USPL1: variants seen among roughly 807,000 people sequenced by gnomAD.
The protein encoded by USPL1 is ubiquitin specific peptidase like 1, also known as SUMO-specific isopeptidase USPL1.
A neutral mutation model predicts 51.5 loss-of-function variants in USPL1; 27 were observed. That is an observed-to-expected ratio of 0.52 (90% CI 0.39 to 0.72). The LOEUF is 0.72. Among genes scored for constraint, USPL1 ranks in the 30% least tolerant of loss-of-function variants. USPL1 has a pLI of 0.00. For missense variants in USPL1, 1,226 were observed against 1,268.0 expected (o/e 0.97, Z 0.50); for synonymous variants, 451 against 459.6 (o/e 0.98, Z 0.24).
At chr13:30,620,839 G>T (rs1476391783) in intron 1 of USPL1, among the ~76,000 whole-genome samples, 1 of 152,244 alleles carries the variant, frequency 6.6e-6, no homozygotes, top group South Asian at 2.1e-4. Context: ...GTTGACAAAT[G>T]AGTCTGCTAT....
Position 30,658,452 on chromosome 13 carries a change from G to T in USPL1, c.2375G>T (p.Gly792Val), listed in dbSNP as rs1377621805. Residue 792 changes from glycine (G) to valine (V), a missense_variant, in exon 9 of 9, where the codon GGG becomes GTG. Coordinates refer to ENST00000255304, the MANE Select transcript of USPL1 (RefSeq NM_005800.5). Reference sequence around the variant, plus strand: ...ACTGATTTACAACCTTCAGTTAAAGGGGTAAATAATTTTGGTGGCTTTAAA... The same window carrying T: ...ACTGATTTACAACCTTCAGTTAAAGTGGTAAATAATTTTGGTGGCTTTAAA... ...TITDLQPSVKGVNNFGGFKTK... is the reference protein window; with the variant it reads ...TITDLQPSVKVVNNFGGFKTK... The T allele has an allele frequency of 1.9e-6, 3 of 1,613,728 alleles. No homozygotes were observed. Among genetic ancestry groups the T allele is most frequent in the Non-Finnish European group, 8.5e-7 (1 of 1,180,028 alleles).
chr13:30,655,033 G>C (rs1241204608), intron 8 of USPL1, among the ~76,000 whole-genome samples: 2 of 151,626 alleles, frequency 1.3e-5, no homozygotes, highest in African/African-American at 4.8e-5. Flanking sequence ...CTGCCTCCCG[G>C]GTTCAAGTGA....
At chr13:30,654,277 G>A (rs780344678) in intron 8 of USPL1, among the ~76,000 whole-genome samples, 29 of 152,106 alleles carry the variant, frequency 1.9e-4, no homozygotes, top group Non-Finnish European at 3.7e-4. Context: ...AAATATCAAT[G>A]TTGGGTGTTT....
intron 4 of USPL1, among the ~76,000 whole-genome samples, chr13:30,637,080 T>G (rs1203073799): frequency 6.6e-6 from 1 of 152,150 alleles, no homozygotes; most frequent in Non-Finnish European, 1.5e-5. Context: ...CTCAGCCTCC[T>G]GAGTAGCTGG....
chr13:30,625,484 T>TCACGAGG (rs1950702750), intron 3 of USPL1, among the ~76,000 whole-genome samples: 1 of 149,372 alleles, frequency 6.7e-6, no homozygotes, highest in Admixed American at 6.7e-5. Flanking sequence ...TCTCGCTCTG[T>TCACGAGG]CACGAGGCTG....
rs535123886 is a variant in USPL1 at position 30,632,560 on chromosome 13, C to T, written c.868+1086C>T. Among the ~76,000 whole-genome samples the T allele has an allele frequency of 1.3e-4, 19 of 151,796 alleles. No homozygotes were observed. The South Asian group carries it at 2.3e-3, about 18-fold the overall frequency. ...TCCCAAGTAGCTGGGACTACAGGCGCCCACCACCAGGCCCAGCTAATTTTT... is the reference window on the plus strand; with the variant it reads ...TCCCAAGTAGCTGGGACTACAGGCGTCCACCACCAGGCCCAGCTAATTTTT... On this transcript the variant is annotated intron_variant, in intron 4 of 8. Coordinates refer to ENST00000255304, the MANE Select transcript of USPL1 (RefSeq NM_005800.5).
At chr13:30,635,025 C>G (rs1950857127) in intron 4 of USPL1, among the ~76,000 whole-genome samples, 1 of 152,044 alleles carries the variant, frequency 6.6e-6, no homozygotes, top group Non-Finnish European at 1.5e-5. Flanking sequence ...TTGTTCTGTT[C>G]TGTTGATTGT....
intron 6 of USPL1, among the ~76,000 whole-genome samples, chr13:30,644,677 T>A (rs566857463): frequency 6.6e-6 from 1 of 152,246 alleles, no homozygotes; most frequent in East Asian, 1.9e-4. Context: ...GGGAAATAGT[T>A]TCATCGTGTT....
intron 1 of USPL1, among the ~76,000 whole-genome samples, chr13:30,619,741 G>C (rs1429060257): frequency 3.3e-5 from 5 of 149,378 alleles, no homozygotes; most frequent in African/African-American, 7.7e-5. Context: ...CCTGAAAAGC[G>C]TAAGTTTGAC....
intron 5 of USPL1, among the ~76,000 whole-genome samples, chr13:30,639,917 C>A (rs1950924421): frequency 6.6e-6 from 1 of 152,160 alleles, no homozygotes; most frequent in Non-Finnish European, 1.5e-5. Context: ...AACAAAGTTA[C>A]ATCTTTTGCT....
chr13:30,651,107 A>G (rs1015551051), intron 7 of USPL1, among the ~76,000 whole-genome samples: 8 of 152,062 alleles, frequency 5.3e-5, no homozygotes, highest in African/African-American at 1.9e-4. Context: ...GTTCTGCATC[A>G]TCTCTGTTCT....
At chr13:30,618,499 C>T (rs945082593) in intron 1 of USPL1, among the ~76,000 whole-genome samples, 5 of 152,042 alleles carry the variant, frequency 3.3e-5, no homozygotes, top group African/African-American at 1.2e-4. Flanking sequence ...CCTACTCGCT[C>T]TCGGAGGGCG....
intron 7 of USPL1, among the ~76,000 whole-genome samples, chr13:30,650,028 G>A (rs1951068341): frequency 1.3e-5 from 2 of 152,054 alleles, no homozygotes; most frequent in Non-Finnish European, 2.9e-5. Context: ...AAAACCTAGG[G>A]ATAAAGTTTA....
At chr13:30,631,969 G>GTT (rs58557045) in intron 4 of USPL1, among the ~76,000 whole-genome samples, 1 of 147,080 alleles carries the variant, frequency 6.8e-6, no homozygotes, top group Non-Finnish European at 1.5e-5. Context: ...CAGTTTTTTT[G>GTT]TTTTTTTTTT....
chr13:30,648,143 ATG>A (rs1333392366), intron 7 of USPL1, among the ~76,000 whole-genome samples: 1 of 152,078 alleles, frequency 6.6e-6, no homozygotes, highest in Non-Finnish European at 1.5e-5. Flanking sequence ...ATTAATATAC[ATG>A]TGTTATTCCC....
chr13:30,621,119 A>T lies in USPL1; in HGVS notation c.-22A>T, dbSNP rs773558063. The T allele has an allele frequency of 1.9e-6, 3 of 1,596,918 alleles. No homozygotes were observed. The South Asian group carries it at 3.5e-5, about 19-fold the overall frequency. On this transcript the variant is annotated 5_prime_UTR_variant, in exon 2 of 9. Coordinates refer to ENST00000255304, the MANE Select transcript of USPL1 (RefSeq NM_005800.5). ...GTGATATTGACATGTCTCAAGTGAC[A>T]TAAATTAGCCAATGACTCGGAATGA... is the stretch of plus-strand genomic sequence containing the variant.
rs1383565975 is a variant in USPL1 at position 30,621,120 on chromosome 13, T to A, written c.-21T>A. 6.3e-7 allele frequency: 1 copy of A among 1,596,822 alleles called. No homozygotes were observed. Among genetic ancestry groups the A allele is most frequent in the African/African-American group, 1.3e-5 (1 of 74,214 alleles). ...TGATATTGACATGTCTCAAGTGACA[T>A]AAATTAGCCAATGACTCGGAATGAT... On this transcript the variant is annotated 5_prime_UTR_variant, in exon 2 of 9. The change abolishes the stop of an existing upstream ORF in the 5' untranslated region. Transcript: ENST00000255304.
Position 30,630,906 on chromosome 13 carries a change from A to G in USPL1, c.300A>G (p.Pro100=), listed in dbSNP as rs1470742017. 2 of 1,614,126 alleles carry G rather than the reference A, an allele frequency of 1.2e-6. No homozygotes were observed. Among genetic ancestry groups the G allele is most frequent in the East Asian group, 2.2e-5 (1 of 44,872 alleles). The change falls in exon 4 of 9, where the codon CCA becomes CCG. Residue 100 remains proline, a synonymous_variant. Transcript: ENST00000255304. ...ISPDLEECHT[P]HKPQKRKSLE... ...CTGATTTGGAAGAATGTCACACTCC[A>G]CATAAGCCTCAGAAAAGGAAGAGCT...
intron 4 of USPL1, among the ~76,000 whole-genome samples, chr13:30,634,446 T>C (rs1950848213): frequency 6.6e-6 from 1 of 152,234 alleles, no homozygotes; most frequent in Admixed American, 6.5e-5. Flanking sequence ...AAAACACGGA[T>C]GAAGAGGGAC....
Sources: allele counts gnomAD v4.1 joint callset (sites outside exome capture counted in the v4.1 genomes callset), GRCh38; gene constraint gnomAD v4.1.1; transcripts MANE v1.5; gene names NCBI Gene and HGNC (gene_info 2026-07-23, HGNC 2026-07-21).